Variants in PRMT8 observed in about 807,000 individuals in gnomAD.
The protein encoded by PRMT8 is protein arginine methyltransferase 8.
A neutral mutation model predicts 47.1 loss-of-function variants in PRMT8; 7 were observed. That is an observed-to-expected ratio of 0.15 (90% CI 0.08 to 0.28). PRMT8 has a LOEUF of 0.28. Ranked by LOEUF, PRMT8 falls within the 10% of genes least tolerant of loss-of-function variation. The pLI is 1.00. For synonymous variants in PRMT8, 188 were observed against 186.5 expected, an observed-to-expected ratio of 1.01 and a Z score of -0.07; for missense variants, 237 against 505.4, an observed-to-expected ratio of 0.47 and a Z score of 5.09.
At chr12:3,561,997 C>T (rs971435583) in intron 4 of PRMT8, among the ~76,000 whole-genome samples, 3 of 152,144 alleles carry the variant, frequency 2.0e-5, no homozygotes, top group African/African-American at 7.2e-5. Context: ...CCATCATTGG[C>T]CATGGTGGAA....
intron 7 of PRMT8, among the ~76,000 whole-genome samples, chr12:3,579,697 T>G (rs1867017133): frequency 6.6e-6 from 1 of 152,230 alleles, no homozygotes; most frequent in African/African-American, 2.4e-5. Flanking sequence ...ACACTTGCCC[T>G]TCTTCACACA....
Position 3,569,357 on chromosome 12 carries a change from A to G in PRMT8, c.625-120A>G. 2.4e-6 allele frequency: 2 copies of G among 836,030 alleles called. No homozygotes were observed. Among genetic ancestry groups the G allele is most frequent in the Non-Finnish European group, 4.1e-6 (2 of 482,458 alleles). The allele number at this position is 836,030 out of a possible 1,614,324, so 51.8% of individuals were successfully genotyped here. The stretch of plus-strand genomic sequence containing the variant: ...CTCACCCCAGACAAGGTGACAGTCC[A>G]CTGCATGAGAGATGGTGGCAAGGGG... On this transcript the variant is annotated intron_variant, in intron 5 of 9. Transcript: ENST00000382622. The surrounding 1 kb of genome is among the most constrained non-coding windows in gnomAD (Gnocchi z 8.2).
At chr12:3,589,484 G>A (rs1867254075) in intron 8 of PRMT8, among the ~76,000 whole-genome samples, 1 of 152,184 alleles carries the variant, frequency 6.6e-6, no homozygotes, top group African/African-American at 2.4e-5. Flanking sequence ...GAGGTCAGGA[G>A]ATGCACTGCG....
At chr12:3,434,642 A>T (rs2137070294) in intron 1 of PRMT8, among the ~76,000 whole-genome samples, 1 of 152,224 alleles carries the variant, frequency 6.6e-6, no homozygotes, top group South Asian at 2.1e-4. Context: ...GGAGCTGATG[A>T]CAGGGCTGTT....
intron 1 of PRMT8, among the ~76,000 whole-genome samples, chr12:3,506,744 C>T (rs778337037): frequency 3.3e-5 from 5 of 152,160 alleles, no homozygotes; most frequent in Non-Finnish European, 5.9e-5. Flanking sequence ...GAGATAGACA[C>T]GCTGTCTCAG....
Position 3,569,491 on chromosome 12 carries a change from T to C in PRMT8, c.639T>C (p.Leu213=), listed in dbSNP as rs533345896. 9.3e-6 allele frequency: 15 copies of C among 1,614,100 alleles called. No individual in the cohort carries two copies. In the African/African-American group the frequency reaches 1.3e-4, roughly 14 times the overall value. The change falls in exon 6 of 10, where the codon CTT becomes CTC. Residue 213 remains leucine, a synonymous_variant. Coordinates refer to ENST00000382622, the MANE Select transcript of PRMT8 (RefSeq NM_019854.5). This position sits in a 1 kb window ranked among gnomAD's most constrained non-coding sequence, Gnocchi z 8.2. The part of the protein sequence containing the change: ...ARDKWLKPGG[L]MFPDRAALYV... ...TTCATCAACAGAAACCTGGAGGGCT[T>C]ATGTTTCCAGACCGGGCAGCTTTGT...
At chr12:3,546,150 G>T (rs1212079039) in intron 2 of PRMT8, among the ~76,000 whole-genome samples, 1 of 152,202 alleles carries the variant, frequency 6.6e-6, no homozygotes, top group Non-Finnish European at 1.5e-5. Context: ...CAAACTAAAT[G>T]ATAGTGAAAA....
intron 1 of PRMT8, chr12:3,469,425 A>T (rs1865137193): frequency 4.4e-6 from 1 of 227,152 alleles, no homozygotes; most frequent in Non-Finnish European, 8.7e-6. Flanking sequence ...GCTACAGCAC[A>T]GGTGCACCCT....
chr12:3,444,034 A>G (rs1041293158), intron 1 of PRMT8, among the ~76,000 whole-genome samples: 2 of 152,124 alleles, frequency 1.3e-5, no homozygotes, highest in East Asian at 1.9e-4. Context: ...TCCCTGTTAT[A>G]TTTTCATTAT....
At chr12:3,547,765 T>G (rs1298590422) in intron 2 of PRMT8, among the ~76,000 whole-genome samples, 1 of 152,212 alleles carries the variant, frequency 6.6e-6, no homozygotes, top group Non-Finnish European at 1.5e-5. Flanking sequence ...AAATGAAAGA[T>G]CTACATAAAT....
chr12:3,455,697 G>A (rs1355202109), intron 1 of PRMT8, among the ~76,000 whole-genome samples: 1 of 152,172 alleles, frequency 6.6e-6, no homozygotes, highest in African/African-American at 2.4e-5. Flanking sequence ...GGGGGGTGGG[G>A]TTGAGCCTGC....
chr12:3,521,075 A>C (rs1033308737), intron 1 of PRMT8, among the ~76,000 whole-genome samples: 7 of 152,226 alleles, frequency 4.6e-5, no homozygotes, highest in Non-Finnish European at 8.8e-5. Flanking sequence ...CAGATATCCC[A>C]AGGTGGTATT....
At chr12:3,592,071 T>G (rs1867318104) in intron 8 of PRMT8, among the ~76,000 whole-genome samples, 160 bp from the exon 9 acceptor site, 1 of 151,952 alleles carries the variant, frequency 6.6e-6, no homozygotes, top group South Asian at 2.1e-4. Context: ...AGGAAGGCTA[T>G]AAGGACTATG....
chr12:3,562,698 T>C (rs1866657215), intron 4 of PRMT8, among the ~76,000 whole-genome samples: 1 of 152,154 alleles, frequency 6.6e-6, no homozygotes, highest in African/African-American at 2.4e-5. Context: ...GGTGGAAGTA[T>C]TTACACCACG....
At chr12:3,445,974 G>C (rs1467013193) in intron 1 of PRMT8, among the ~76,000 whole-genome samples, 2 of 152,126 alleles carry the variant, frequency 1.3e-5, no homozygotes, top group Non-Finnish European at 2.9e-5. Context: ...GGGACTCAGA[G>C]ACTAGATTGA....
upstream of PRMT8, among the ~76,000 whole-genome samples, chr12:3,490,721 A>AGAGAGAGAG (rs1565420884): frequency 3.1e-5 from 3 of 96,566 alleles, no homozygotes; most frequent in East Asian, 3.1e-4. Flanking sequence ...GAGAGAGAGA[A>AGAGAGAGAG]AAGGATAAAG....
chr12:3,452,986 CAAAG>C (rs1015145215), intron 1 of PRMT8, among the ~76,000 whole-genome samples: 6 of 152,138 alleles, frequency 3.9e-5, no homozygotes, highest in Non-Finnish European at 8.8e-5. Context: ...AAAATCCACA[CAAAG>C]AAAACATTCC....
At chr12:3,489,271 G>A (rs924377544), upstream of PRMT8, among the ~76,000 whole-genome samples, 1 of 152,046 alleles carries the variant, frequency 6.6e-6, no homozygotes, top group Non-Finnish European at 1.5e-5. Flanking sequence ...TCACGCACAG[G>A]CAGCAGCCTA....
chr12:3,562,022 G>T (rs1459302939), intron 4 of PRMT8, among the ~76,000 whole-genome samples: 1 of 152,190 alleles, frequency 6.6e-6, no homozygotes, highest in Non-Finnish European at 1.5e-5. Context: ...CTATACCACA[G>T]AATTCAGCAA....
Sources: gnomAD v4.1 joint callset for allele counts (sites outside exome capture counted in the v4.1 genomes callset) on GRCh38, gnomAD v4.1.1 for gene constraint, Gnocchi (gnomAD v3.1) non-coding constraint, MANE v1.5 for transcripts, NCBI Gene and HGNC (gene_info 2026-07-23, HGNC 2026-07-21) for gene names.